GLYATL1: variants seen among roughly 807,000 people sequenced by gnomAD.
GLYATL1 encodes the protein glycine N-acyltransferase-like protein 1.
Under a neutral mutation model 20.0 loss-of-function variants are expected in GLYATL1, and 15 were observed. The observed-to-expected ratio is 0.75, with a 90% CI of 0.50 to 1.15. The LOEUF is 1.15. GLYATL1 is among the 50% of genes most tolerant of loss of function. GLYATL1 has a pLI of 0.00. For synonymous variants in GLYATL1, 151 were observed against 131.5 expected (o/e 1.15, Z -1.01); for missense variants, 380 against 368.5 (o/e 1.03, Z -0.26).
upstream of GLYATL1, among the ~76,000 whole-genome samples, chr11:58,936,922 C>A (rs892465805): frequency 1.6e-4 from 24 of 152,184 alleles, 1 homozygote; most frequent in Non-Finnish European, 1.5e-5. Flanking sequence ...CTTGTTCTCT[C>A]CATGAAGTCC....
At chr11:58,943,706 GT>G (rs1288622967) in intron 2 of GLYATL1, 40 bp downstream of exon 2, 1 of 1,605,788 alleles carries the variant, frequency 6.2e-7, no homozygotes, top group South Asian at 1.1e-5. Context: ...ACACGTTGGT[GT>G]TTTGAGCTCT....
chr11:58,912,839 G>A (rs577672108), downstream of GLYATL1, among the ~76,000 whole-genome samples: 3 of 152,298 alleles, frequency 2.0e-5, no homozygotes, highest in South Asian at 2.1e-4. Flanking sequence ...TGGACCTTAC[G>A]TTTTAAACAG....
At chr11:58,954,986 A>T in intron 5 of GLYATL1, 90 bp downstream of exon 5, 1 of 1,394,016 alleles carries the variant, frequency 7.2e-7, no homozygotes, top group Non-Finnish European at 9.8e-7. Flanking sequence ...GGCTCATTAG[A>T]AATGTAAATT....
chr11:58,917,433 A>G (rs143514030), intron 1 of GLYATL1: 1 of 152,390 alleles, frequency 6.6e-6, no homozygotes, highest in Non-Finnish European at 1.5e-5. Context: ...AAGGTGGGCT[A>G]GCTTGAAATA....
At chr11:58,935,351 T>C (rs1367255761), upstream of GLYATL1, 2 of 152,162 alleles carry the variant, frequency 1.3e-5, no homozygotes, top group Admixed American at 6.5e-5. Context: ...CAGTGCTCAC[T>C]TCACTTTTCT....
At chr11:58,925,367 C>G (rs1485351786), upstream of GLYATL1, among the ~76,000 whole-genome samples, 1 of 152,118 alleles carries the variant, frequency 6.6e-6, no homozygotes, top group Non-Finnish European at 1.5e-5. Context: ...TGCATGAATC[C>G]CTTTTATAAC....
chr11:58,936,473 A>C (rs1855840018), upstream of GLYATL1, among the ~76,000 whole-genome samples: 1 of 152,220 alleles, frequency 6.6e-6, no homozygotes, highest in South Asian at 2.1e-4. Flanking sequence ...CCCTTTCAGG[A>C]AGTTAGGCAG....
intron 1 of GLYATL1, among the ~76,000 whole-genome samples, chr11:58,906,751 C>T (rs1253386391): frequency 1.3e-5 from 2 of 152,200 alleles, no homozygotes; most frequent in Non-Finnish European, 2.9e-5. Context: ...GCCTTTGTTT[C>T]TGTAAGCAAG....
chr11:58,947,954 C>G lies in GLYATL1; in HGVS notation c.175C>G (p.Pro59Ala), dbSNP rs763137835. The change falls in exon 4 of 7, where the codon CCT (proline) becomes GCT (alanine). Residue 59 changes from proline to alanine, a missense_variant. By Grantham distance (27) the Pro-to-Ala change is conservative (BLOSUM62 -1). Coordinates refer to ENST00000532726, the MANE Select transcript of GLYATL1 (RefSeq NM_001389712.2). Reference sequence around the variant, plus strand: ...TGAATATCAGATGGTTATTATCCGGCCTCAAAAGCAGGTAGGCACACAGAC... The same window carrying G: ...TGAATATCAGATGGTTATTATCCGGGCTCAAAAGCAGGTAGGCACACAGAC... ...WPEYQMVIIRPQKQEMTDDMD... is the reference protein window; with the variant it reads ...WPEYQMVIIRAQKQEMTDDMD... 4 of 1,612,674 alleles carry G rather than the reference C, an allele frequency of 2.5e-6. No homozygotes were observed. The South Asian group carries it at 4.4e-5, about 18-fold the overall frequency.
rs140092025 is a variant in GLYATL1, at chr11:58,955,938, C to T, written c.820C>T (p.Arg274Cys). The T allele has an allele frequency of 2.2e-5, 35 of 1,614,170 alleles. No individual in the cohort carries two copies. Among genetic ancestry groups the T allele is most frequent in the African/African-American group, 1.2e-4 (9 of 75,044 alleles). ...TGTGTTGGAAGAAAATGAAGACTCC[C>T]GCAGATTTGTGGGGCAGTTTGGTTT... The part of the protein sequence containing the change: ...ISVLEENEDS[R>C]RFVGQFGFFE... Residue 274 changes from arginine (R) to cysteine (C), a missense_variant, in exon 7 of 7, where the codon CGC (arginine) becomes TGC (cysteine). Transcript: ENST00000532726.
chr11:58,943,946 GTTTC>G (rs1856372523), intron 2 of GLYATL1, among the ~76,000 whole-genome samples: 1 of 118,566 alleles, frequency 8.4e-6, no homozygotes, highest in Admixed American at 1.0e-4. Context: ...CTACCCCTTT[GTTTC>G]TTTTCTTTTC....
intron 2 of GLYATL1, among the ~76,000 whole-genome samples, chr11:58,943,878 G>C (rs1305937628): frequency 6.6e-6 from 1 of 152,120 alleles, no homozygotes; most frequent in Non-Finnish European, 1.5e-5. Flanking sequence ...GTAGTAAGCA[G>C]TAATGTTGCA....
chr11:58,954,153 C>T lies in GLYATL1; in HGVS notation c.187-617C>T, dbSNP rs61889830. Among the ~76,000 whole-genome samples, 599 of 152,244 alleles carry T rather than the reference C, an allele frequency of 3.9e-3. 1 individual carries two copies. The highest frequency in any genetic ancestry group is 6.1e-3 in the Non-Finnish European group (418 of 68,016). ...AGTATCTTGCTCAAGCCCTGGACACCGTAGATTCTAGGACACTATTGACTC... is the reference window on the plus strand; with the variant it reads ...AGTATCTTGCTCAAGCCCTGGACACTGTAGATTCTAGGACACTATTGACTC... On this transcript the variant is annotated intron_variant, in intron 4 of 6. Coordinates refer to ENST00000532726, the MANE Select transcript of GLYATL1 (RefSeq NM_001389712.2).
At chr11:58,946,667 C>A in intron 2 of GLYATL1, 1 of 216,872 alleles carries the variant, frequency 4.6e-6, no homozygotes, top group South Asian at 7.4e-5. Flanking sequence ...CTGATATTTT[C>A]TATTGCAGAT....
At chr11:58,943,349 T>C (rs538498073) in intron 1 of GLYATL1, 194 bp from the exon 2 acceptor site, 2 of 1,549,102 alleles carry the variant, frequency 1.3e-6, no homozygotes, top group South Asian at 2.4e-5. Flanking sequence ...AACCAATCTC[T>C]TTGTTTCTGT....
In GLYATL1 at chr11:58,956,067, T is replaced by A; in HGVS notation, c.*40T>A. On this transcript the variant is annotated 3_prime_UTR_variant, in exon 7 of 7. Coordinates refer to ENST00000532726, the MANE Select transcript of GLYATL1 (RefSeq NM_001389712.2). ...TAGTAATCTCTGCCAAGCCATCTCT[T>A]AATATTAAAGCAGACACCACAGAAT... The A allele has an allele frequency of 1.3e-6, 2 of 1,549,534 alleles. No homozygotes were observed. The highest frequency in any genetic ancestry group is 2.3e-5 in the South Asian group (2 of 86,440).
At chr11:58,922,498 G>A (rs565898630) in intron 1 of GLYATL1, among the ~76,000 whole-genome samples, 1 of 152,260 alleles carries the variant, frequency 6.6e-6, no homozygotes, top group Admixed American at 6.5e-5. Flanking sequence ...ACCAGAGATG[G>A]CCTGCCTGAT....
chr11:58,908,854 C>T (rs996927043), downstream of GLYATL1, among the ~76,000 whole-genome samples: 7 of 152,080 alleles, frequency 4.6e-5, no homozygotes, highest in African/African-American at 1.2e-4. Flanking sequence ...ACACTGTGTG[C>T]CTAGAATTGT....
At chr11:58,943,362 C>T in intron 1 of GLYATL1, 181 bp from the exon 2 acceptor site, 1 of 1,547,244 alleles carries the variant, frequency 6.5e-7, no homozygotes, top group Non-Finnish European at 8.7e-7. Context: ...GTTTCTGTAC[C>T]TGATTTCTGG....
Sources: gnomAD v4.1 joint callset for allele counts (sites outside exome capture counted in the v4.1 genomes callset) on GRCh38, gnomAD v4.1.1 for gene constraint, MANE v1.5 for transcripts, NCBI Gene and HGNC (gene_info 2026-07-23, HGNC 2026-07-21) for gene names.